ASB3: variants seen among roughly 807,000 people sequenced by gnomAD.
The protein encoded by ASB3 is ankyrin repeat and SOCS box containing 3, also known as ankyrin repeat and SOCS box protein 3.
Under a neutral mutation model 54.5 loss-of-function variants are expected in ASB3, and 41 were observed. The observed-to-expected ratio is 0.75, with a 90% CI of 0.59 to 0.98. The LOEUF (loss-of-function observed/expected upper bound fraction) is 0.98. Among genes scored for constraint, ASB3 ranks in the 50% least tolerant of loss-of-function variants. ASB3 has a pLI of 0.00. For synonymous variants in ASB3, 266 were observed against 221.2 expected (o/e 1.20, Z -1.80); for missense variants, 733 against 620.0 (o/e 1.18, Z -1.94).
At chr2:53,759,790 G>GC (rs1014452605) in intron 2 of ASB3, among the ~76,000 whole-genome samples, 1 of 152,146 alleles carries the variant, frequency 6.6e-6, no homozygotes, top group African/African-American at 2.4e-5. Context: ...AAGGCCCACT[G>GC]CCCCAGGGGA....
chr2:53,692,232 C>G (rs1309412528), intron 9 of ASB3, among the ~76,000 whole-genome samples: 16 of 152,136 alleles, frequency 1.1e-4, no homozygotes, highest in Non-Finnish European at 1.5e-4. Flanking sequence ...TCTTGGTAAA[C>G]AGCACTCCCA....
At chr2:53,711,425 T>C (rs760763452) in intron 7 of ASB3, among the ~76,000 whole-genome samples, 2 of 152,164 alleles carry the variant, frequency 1.3e-5, no homozygotes, top group Non-Finnish European at 2.9e-5. Flanking sequence ...TGACTGATAT[T>C]AGCTGCTGGT....
chr2:53,710,915 T>A (rs1670058221), intron 7 of ASB3, among the ~76,000 whole-genome samples: 2 of 151,738 alleles, frequency 1.3e-5, no homozygotes, highest in African/African-American at 4.8e-5. Flanking sequence ...TCACCTGAGC[T>A]CGGAGTTCAA....
intron 7 of ASB3, among the ~76,000 whole-genome samples, chr2:53,706,014 GT>G (rs918280749): frequency 3.3e-5 from 5 of 152,032 alleles, no homozygotes; most frequent in African/African-American, 9.7e-5. Context: ...AAAAACTAGG[GT>G]TTTTTTAAGA....
intron 5 of ASB3, among the ~76,000 whole-genome samples, chr2:53,717,160 T>A (rs1670444238): frequency 6.6e-6 from 1 of 152,202 alleles, no homozygotes; most frequent in Non-Finnish European, 1.5e-5. Context: ...AAGGATACAT[T>A]TCATTCCAAT....
chr2:53,691,165 T>A (rs1668890393), intron 9 of ASB3, among the ~76,000 whole-genome samples: 1 of 152,192 alleles, frequency 6.6e-6, no homozygotes, highest in African/African-American at 2.4e-5. Flanking sequence ...TGAAGACAAA[T>A]CTGACTCAAT....
intron 1 of ASB3, chr2:53,768,233 G>T: frequency 1.8e-6 from 1 of 563,224 alleles, no homozygotes; most frequent in Non-Finnish European, 3.0e-6. Context: ...TTAAGATGCC[G>T]GTGGTTAGTC....
intron 2 of ASB3, among the ~76,000 whole-genome samples, chr2:53,753,650 C>CTT (rs1309137294): frequency 6.9e-6 from 1 of 144,324 alleles, no homozygotes; most frequent in Non-Finnish European, 1.5e-5. Context: ...CTCTTTCTTT[C>CTT]TGTTTTTTTT....
chr2:53,768,055 C>T (rs1382777279), intron 1 of ASB3: 6 of 1,607,188 alleles, frequency 3.7e-6, no homozygotes, highest in Non-Finnish European at 4.2e-6. Flanking sequence ...CACTTACTGC[C>T]CCCTGACCCC....
rs1336180559 is a variant in ASB3, at chr2:53,765,403, T to A, written c.170A>T (p.Glu57Val). Residue 57 changes from glutamate to valine, a missense_variant, in exon 2 of 10, where the codon GAA becomes GTA. By Grantham distance (121) the Glu-to-Val change is moderately radical. Transcript: ENST00000263634. ...TGCATTAATTAACATTTGCAAACAT[T>A]CTACAGAGTTGTGATAAGCTGCTTC... ...IHEAAYHNSV[E>V]CLQMLINADS... 6.2e-7 allele frequency: 1 copy of A among 1,614,094 alleles called. No homozygotes were observed. Among genetic ancestry groups the A allele is most frequent in the African/African-American group, 1.3e-5 (1 of 74,930 alleles).
chr2:53,765,492 C>T lies in ASB3; in HGVS notation c.81G>A (p.Arg27=), dbSNP rs201543780. The T allele has an allele frequency of 6.8e-6, 11 of 1,614,198 alleles. No individual in the cohort carries two copies. The Admixed American group carries it at 1.2e-4, about 17-fold the overall frequency. Residue 27 remains arginine, a synonymous_variant, in exon 2 of 10, where the codon AGG becomes AGA. Transcript: ENST00000263634. ...CACTTCGGCCCTTTTTGAGCAGTTT[C>T]CTTAAGACTTTAACATTGCCTTCCC... ...AAREGNVKVL[R]KLLKKGRSVD...
At position 53,771,757 on chromosome 2, in the gene ASB3, C is replaced by G. The variant is rs963902334; in HGVS notation, c.-13-6172G>C. 31 of 661,934 alleles carry G rather than the reference C, an allele frequency of 4.7e-5. No homozygotes were observed. In the East Asian group the frequency reaches 8.5e-4, roughly 18 times the overall value. The allele number at this position is 661,934 out of a possible 1,614,324, so 41.0% of individuals were successfully genotyped here. A position where few individuals can be genotyped will look rare whatever the true frequency, so the allele number is the denominator to read the frequency against. On this transcript the variant is annotated intron_variant, in intron 1 of 9. Coordinates refer to ENST00000263634, the MANE Select transcript of ASB3 (RefSeq NM_016115.5). ...GGTAGGTTCTCTTAATTCACTTAAG[C>G]TTTATCATAAAAAATAACTATGCTT...
intron 1 of ASB3, chr2:53,767,999 A>G: frequency 6.2e-7 from 1 of 1,611,350 alleles, no homozygotes; most frequent in South Asian, 1.1e-5. Context: ...GGCAGCACGG[A>G]CCACCGCGGG....
At chr2:53,762,081 CAGA>C (rs1434352894) in intron 2 of ASB3, among the ~76,000 whole-genome samples, 1 of 152,062 alleles carries the variant, frequency 6.6e-6, no homozygotes. Flanking sequence ...TCATAGGATG[CAGA>C]AGGAGCAATG....
At chr2:53,685,641 A>G (rs1416695460) in intron 9 of ASB3, among the ~76,000 whole-genome samples, 1 of 152,232 alleles carries the variant, frequency 6.6e-6, no homozygotes, top group African/African-American at 2.4e-5. Flanking sequence ...ACTACCTTAT[A>G]AAAAGATGAG....
intron 7 of ASB3, among the ~76,000 whole-genome samples, chr2:53,706,686 C>A (rs72793658): frequency 0.15 from 22,962 of 152,056 alleles, 1,774 homozygotes; most frequent in African/African-American, 0.19. Context: ...ACCTCGTGAT[C>A]CGCCCACCTT....
intron 2 of ASB3, chr2:53,756,812 C>A: frequency 6.5e-6 from 1 of 153,166 alleles, no homozygotes; most frequent in South Asian, 1.8e-4. Flanking sequence ...TTCTACCCCT[C>A]CGATCTGGCA....
intron 9 of ASB3, among the ~76,000 whole-genome samples, chr2:53,689,378 T>C (rs1413685890): frequency 2.0e-5 from 3 of 152,232 alleles, no homozygotes; most frequent in Non-Finnish European, 4.4e-5. Context: ...CTTAATGATA[T>C]GTTATAAACT....
intron 1 of ASB3, chr2:53,768,225 A>T (rs1673631849): frequency 3.5e-6 from 2 of 579,582 alleles, no homozygotes; most frequent in African/African-American, 1.9e-5. Flanking sequence ...GAAGCTGCTT[A>T]AGATGCCGGT....
Sources: allele counts gnomAD v4.1 joint callset (sites outside exome capture counted in the v4.1 genomes callset), GRCh38; gene constraint gnomAD v4.1.1; transcripts MANE v1.5; gene names NCBI Gene and HGNC (gene_info 2026-07-23, HGNC 2026-07-21).